Variants in TENM2 observed in about 807,000 individuals in gnomAD.
The protein encoded by TENM2 is teneurin transmembrane protein 2, also known as teneurin-2.
TENM2 carries 52 observed loss-of-function variants against 245.2 expected under a neutral mutation model. The ratio of observed to expected loss-of-function variants is 0.21; its 90% CI spans 0.17 to 0.27. The LOEUF is 0.27. Among genes scored for constraint, TENM2 ranks in the 10% least tolerant of loss-of-function variants. TENM2 has a pLI of 1.00. For missense variants in TENM2, 3,046 were observed against 3,666.8 expected, an observed-to-expected ratio of 0.83 and a Z score of 4.37; for synonymous variants, 1,363 against 1,438.9, an observed-to-expected ratio of 0.95 and a Z score of 1.19.
intron 1 of TENM2, among the ~76,000 whole-genome samples, chr5:167,358,803 G>GCACACACACA (rs58530155): frequency 1.4e-5 from 2 of 143,872 alleles, no homozygotes; most frequent in Non-Finnish European, 3.0e-5. Context: ...ATTCTGATCT[G>GCACACACACA]CACACACACA....
intron 2 of TENM2, among the ~76,000 whole-genome samples, chr5:167,667,128 AC>A (rs1294598250): frequency 2.0e-5 from 3 of 152,220 alleles, no homozygotes; most frequent in Non-Finnish European, 2.9e-5. Flanking sequence ...CTGTATCCTT[AC>A]ATCTGCTTTC....
intron 2 of TENM2, among the ~76,000 whole-genome samples, chr5:167,683,858 G>C (rs1424289278): frequency 6.6e-6 from 1 of 152,218 alleles, no homozygotes; most frequent in Admixed American, 6.5e-5. Flanking sequence ...TATGATGACT[G>C]TAATGTAATT....
chr5:168,146,724 T>A (rs997182171), intron 12 of TENM2, among the ~76,000 whole-genome samples: 1 of 152,222 alleles, frequency 6.6e-6, no homozygotes, highest in African/African-American at 2.4e-5. Flanking sequence ...ACTGTTAGCA[T>A]CATCATTTCA....
chr5:167,341,249 T>C (rs2127814216), intron 1 of TENM2, among the ~76,000 whole-genome samples: 1 of 152,336 alleles, frequency 6.6e-6, no homozygotes, highest in East Asian at 1.9e-4. Flanking sequence ...TTATTTTATT[T>C]TATTTTTAGC....
intron 2 of TENM2, among the ~76,000 whole-genome samples, chr5:167,452,873 A>G (rs1172551598): frequency 1.4e-5 from 2 of 144,756 alleles, no homozygotes; most frequent in Admixed American, 1.4e-4. Flanking sequence ...TGGCACATGT[A>G]TACATATGTA....
intron 25 of TENM2, among the ~76,000 whole-genome samples, chr5:168,231,669 G>A (rs1764920862): frequency 6.6e-6 from 1 of 151,724 alleles, no homozygotes; most frequent in African/African-American, 2.4e-5. Context: ...GGAGGCCAAA[G>A]TGGGAGGATC....
intron 13 of TENM2, among the ~76,000 whole-genome samples, chr5:168,168,531 T>G (rs1230206370): frequency 1.3e-5 from 2 of 152,148 alleles, no homozygotes; most frequent in Non-Finnish European, 2.9e-5. Flanking sequence ...AATAGAGAAA[T>G]TAGCCAGGCA....
At chr5:167,762,240 C>G (rs577512542) in intron 2 of TENM2, among the ~76,000 whole-genome samples, 187 of 152,276 alleles carry the variant, frequency 1.2e-3, no homozygotes, top group African/African-American at 4.2e-3. Context: ...ATCCCTGGCT[C>G]CTTAGGAGGA....
chr5:167,201,260 T>A, the TENM2 span, among the ~76,000 whole-genome samples: 1 of 152,168 alleles, frequency 6.6e-6, no homozygotes. Context: ...AATAACATAA[T>A]ATTCAAGTAA....
the TENM2 span, among the ~76,000 whole-genome samples, chr5:167,270,898 A>G: frequency 6.6e-6 from 1 of 152,152 alleles, no homozygotes; most frequent in Non-Finnish European, 1.5e-5. Flanking sequence ...TCTCTAAAAC[A>G]CAGCTAAGAA....
At chr5:167,379,967 A>G (rs1761001146) in intron 2 of TENM2, among the ~76,000 whole-genome samples, 1 of 150,870 alleles carries the variant, frequency 6.6e-6, no homozygotes, top group Admixed American at 6.6e-5. Context: ...GTTTTAAGCC[A>G]TTTGGATGAC....
intron 17 of TENM2, among the ~76,000 whole-genome samples, chr5:168,201,094 G>A (rs563377114): frequency 2.0e-5 from 3 of 152,128 alleles, no homozygotes; most frequent in Admixed American, 6.5e-5. Context: ...TGCATATGGG[G>A]CAGGAGGGAG....
the TENM2 span, among the ~76,000 whole-genome samples, chr5:167,205,366 G>A: frequency 6.6e-6 from 1 of 152,288 alleles, no homozygotes; most frequent in East Asian, 1.9e-4. Flanking sequence ...GGAGGACAGA[G>A]TGAGACTCTG....
chr5:167,923,252 G>A (rs190452341), intron 3 of TENM2, among the ~76,000 whole-genome samples: 14 of 152,210 alleles, frequency 9.2e-5, no homozygotes, highest in African/African-American at 1.7e-4. Flanking sequence ...CCGAGAGGTG[G>A]AGGTTGCAGT....
At chr5:168,234,038 T>C (rs1346740572) in intron 25 of TENM2, among the ~76,000 whole-genome samples, 1 of 152,090 alleles carries the variant, frequency 6.6e-6, no homozygotes, top group Non-Finnish European at 1.5e-5. Context: ...CCATATCAGA[T>C]GGACGTCTCT....
rs569634081 is a variant in TENM2 at position 167,735,443 on chromosome 5, A to G, written c.503-140543A>G. ...ACTAAATAAATGTAATTTGGTAAAC[A>G]AAACCTGTTACAACTAGAAATACTT... On this transcript the variant is annotated intron_variant, in intron 2 of 28. Coordinates refer to ENST00000518659, the Ensembl canonical transcript of TENM2. Among the ~76,000 whole-genome samples, 3 of 152,366 alleles carry G rather than the reference A, an allele frequency of 2.0e-5. No homozygotes were observed. The South Asian group carries it at 6.2e-4, about 32-fold the overall frequency.
intron 1 of TENM2, among the ~76,000 whole-genome samples, chr5:167,338,696 T>C (rs1757920793): frequency 1.3e-5 from 2 of 152,174 alleles, no homozygotes; most frequent in Admixed American, 6.5e-5. Flanking sequence ...TTAGTTAGCA[T>C]GGTCTTTTGT....
chr5:167,825,883 A>T lies in TENM2; in HGVS notation c.503-50103A>T, dbSNP rs1302749658. Among the ~76,000 whole-genome samples the T allele has an allele frequency of 2.6e-5, 4 of 151,286 alleles. No individual in the cohort carries two copies. In the South Asian group the frequency reaches 8.4e-4, roughly 32 times the overall value. ...TGATAATTAAAAAAAAAAAAAAACAACTGTGACCCAGGTATCAGCTCAAAC... is the reference window on the plus strand; with the variant it reads ...TGATAATTAAAAAAAAAAAAAAACATCTGTGACCCAGGTATCAGCTCAAAC... On this transcript the variant is annotated intron_variant, in intron 2 of 28. Coordinates refer to ENST00000518659, the Ensembl canonical transcript of TENM2.
intron 2 of TENM2, among the ~76,000 whole-genome samples, chr5:167,552,056 T>C (rs1009565802): frequency 6.6e-6 from 1 of 152,198 alleles, no homozygotes; most frequent in African/African-American, 2.4e-5. Context: ...ATACCTGCAA[T>C]AAATCACTTA....
Sources: gnomAD v4.1 joint callset for allele counts (sites outside exome capture counted in the v4.1 genomes callset) on GRCh38, gnomAD v4.1.1 for gene constraint, MANE v1.5 for transcripts, NCBI Gene and HGNC (gene_info 2026-07-23, HGNC 2026-07-21) for gene names.